Variants in KIAA1671 observed in about 807,000 individuals in gnomAD.
The protein encoded by KIAA1671 is KIAA1671.
KIAA1671 carries 52 observed loss-of-function variants against 131.2 expected under a neutral mutation model. The observed-to-expected ratio is 0.40, with a 90% CI of 0.32 to 0.50. The LOEUF (loss-of-function observed/expected upper bound fraction) is 0.50, where lower values mean the gene tolerates loss of function less well. KIAA1671 is among the 20% of genes least tolerant of loss of function. The pLI, the probability that KIAA1671 is intolerant of heterozygous loss-of-function variation, is 0.73. For synonymous variants in KIAA1671, 1,003 were observed against 961.6 expected (o/e 1.04, Z -0.80); for missense variants, 2,360 against 2,364.2 (o/e 1.00, Z 0.04).
intron 6 of KIAA1671, among the ~76,000 whole-genome samples, chr22:25,065,425 C>T (rs911177701): frequency 6.6e-6 from 1 of 151,982 alleles, no homozygotes; most frequent in African/African-American, 2.4e-5. Flanking sequence ...ATTCCTGCCC[C>T]GTCCCCACAT....
At chr22:25,000,198 T>TTC (rs1924370266) in intron 1 of KIAA1671, among the ~76,000 whole-genome samples, 1 of 76,248 alleles carries the variant, frequency 1.3e-5, no homozygotes, top group East Asian at 4.4e-4. Context: ...TTTTTTTTTT[T>TTC]TTTTTTTTTT....
intron 6 of KIAA1671, among the ~76,000 whole-genome samples, chr22:25,099,559 T>G (rs1194952504): frequency 8.8e-5 from 5 of 57,068 alleles, no homozygotes; most frequent in Non-Finnish European, 1.8e-4. Context: ...TTTTTTTTTT[T>G]TTTTTTTTTT....
At chr22:24,958,652 TA>T (rs60645201) in intron 1 of KIAA1671, among the ~76,000 whole-genome samples, 1,499 of 119,394 alleles carry the variant, frequency 0.013, 19 homozygotes, top group East Asian at 0.085. Context: ...CTCTGTCTCT[TA>T]AAAAAAAAAA....
chr22:25,037,881 C>A (rs1194634771), intron 4 of KIAA1671, among the ~76,000 whole-genome samples: 1 of 152,014 alleles, frequency 6.6e-6, no homozygotes, highest in African/African-American at 2.4e-5. Context: ...ACTCTGTCAC[C>A]CAGGCTGGAG....
intron 1 of KIAA1671, among the ~76,000 whole-genome samples, chr22:25,004,226 C>T (rs539175077): frequency 7.2e-5 from 7 of 96,876 alleles, no homozygotes; most frequent in East Asian, 6.6e-4. Flanking sequence ...AGTGAGCCTC[C>T]GACCTGAGCC....
rs1252704498 is a variant in KIAA1671, at chr22:25,005,346, T to TTAA, written c.-207-20287_-207-20286insTAA. ...CTGGGTGACAGAGCGAGACTCCATC[T>TTAA]AAAAAAAAAAAAAAAAAAGAAAAAA... On this transcript the variant is annotated intron_variant, in intron 1 of 12. Transcript: ENST00000358431. 1.7e-4 allele frequency among the ~76,000 whole-genome samples: 19 copies of TTAA among 111,486 alleles called. No individual in the cohort carries two copies. The East Asian group carries it at 4.7e-3, about 28-fold the overall frequency. The allele number at this position is 111,486 out of a possible 152,430, so 73.1% of individuals were successfully genotyped here. A position where few individuals can be genotyped will look rare whatever the true frequency, so the allele number is the denominator to read the frequency against.
intron 6 of KIAA1671, among the ~76,000 whole-genome samples, chr22:25,088,849 C>T (rs564520623): frequency 1.7e-4 from 26 of 151,006 alleles, no homozygotes; most frequent in Admixed American, 6.0e-4. Flanking sequence ...CCTATATCTG[C>T]GTCTGTACCC....
chr22:25,190,688 C>T lies in KIAA1671; in HGVS notation c.5343-14C>T. The T allele has an allele frequency of 6.5e-7, 1 of 1,549,452 alleles. No homozygotes were observed. The highest frequency in any genetic ancestry group is 8.7e-7 in the Non-Finnish European group (1 of 1,144,936). ...CTGGTTTCAACTAGTCTCTTACTGG[C>T]TTTGTGGTTTCAGGTCGGATGAACC... On this transcript the variant is annotated splice_polypyrimidine_tract_variant and intron_variant, in intron 11 of 12. Transcript: ENST00000358431.
intron 1 of KIAA1671, among the ~76,000 whole-genome samples, chr22:24,992,997 C>T (rs566379585): frequency 2.9e-4 from 44 of 151,938 alleles, no homozygotes; most frequent in African/African-American, 8.7e-4. Flanking sequence ...TTTGAGTCTG[C>T]GCACTGTGGA....
intron 1 of KIAA1671, among the ~76,000 whole-genome samples, chr22:25,003,895 G>T (rs1924602812): frequency 6.7e-6 from 1 of 149,454 alleles, no homozygotes; most frequent in Non-Finnish European, 1.5e-5. Context: ...TTGGCTCACT[G>T]CAGCCTCTGC....
At chr22:25,088,863 C>T (rs1257279898) in intron 6 of KIAA1671, among the ~76,000 whole-genome samples, 1 of 141,528 alleles carries the variant, frequency 7.1e-6, no homozygotes, top group Non-Finnish European at 1.6e-5. Flanking sequence ...TGTACCCTCC[C>T]ATATGTACAT....
At chr22:25,118,982 C>T (rs1235681191) in intron 6 of KIAA1671, among the ~76,000 whole-genome samples, 1 of 152,186 alleles carries the variant, frequency 6.6e-6, no homozygotes, top group Non-Finnish European at 1.5e-5. Context: ...TGCACCCATC[C>T]TACATTTCTT....
chr22:25,104,850 T>G (rs989543146), intron 6 of KIAA1671, among the ~76,000 whole-genome samples: 1 of 152,178 alleles, frequency 6.6e-6, no homozygotes, highest in Non-Finnish European at 1.5e-5. Flanking sequence ...AGATTTGAGT[T>G]GGCCTTCCAC....
At chr22:25,037,248 G>A (rs1254473732) in intron 4 of KIAA1671, among the ~76,000 whole-genome samples, 1 of 152,054 alleles carries the variant, frequency 6.6e-6, no homozygotes, top group Non-Finnish European at 1.5e-5. Context: ...GCTTGAATCC[G>A]GAAGGCGGAG....
chr22:25,153,518 T>C lies in KIAA1671; in HGVS notation c.4531-17302T>C, dbSNP rs148649602. On this transcript the variant is annotated intron_variant, in intron 6 of 12. Coordinates refer to ENST00000358431, the MANE Select transcript of KIAA1671 (RefSeq NM_001145206.2). ...ATGCAATATACCCATGCATTGCCTT[T>C]CTAAAACCTGAAAAGTCCTGAGTTG... 3.8e-3 allele frequency among the ~76,000 whole-genome samples: 574 copies of C among 152,344 alleles called. 1 individual carries two copies. Among genetic ancestry groups the C allele is most frequent in the Non-Finnish European group, 6.0e-3 (409 of 68,030 alleles).
intron 1 of KIAA1671, among the ~76,000 whole-genome samples, chr22:24,972,175 C>G (rs1048908797): frequency 6.6e-6 from 1 of 152,170 alleles, no homozygotes; most frequent in Admixed American, 6.5e-5. Context: ...ATCACCCAGA[C>G]AGATATATTA....
chr22:25,111,371 G>C (rs1931334888), intron 6 of KIAA1671, among the ~76,000 whole-genome samples: 1 of 152,196 alleles, frequency 6.6e-6, no homozygotes, highest in Admixed American at 6.5e-5. Context: ...TTGGGACTTG[G>C]GGGAGAAAAA....
At chr22:25,033,572 TC>T (rs1569211474) in intron 4 of KIAA1671, among the ~76,000 whole-genome samples, 1 of 122,352 alleles carries the variant, frequency 8.2e-6, no homozygotes. Flanking sequence ...TGGTTTGTTT[TC>T]GTTTTTTTTT....
Position 25,185,138 on chromosome 22 carries a change from T to TG in KIAA1671, c.5342+24dup. ...ATGAGAGGTGAGGGGTCTTGGGGAA[T>TG]GGGGGTCCCTCTCCTTCCAAACTCA... is the stretch of plus-strand genomic sequence containing the variant. On this transcript the variant is annotated intron_variant, in intron 11 of 12. Transcript: ENST00000358431. 1.3e-6 allele frequency: 2 copies of TG among 1,531,716 alleles called. No individual in the cohort carries two copies. Among genetic ancestry groups the TG allele is most frequent in the African/African-American group, 1.4e-5 (1 of 72,526 alleles). 94.9% of individuals were successfully genotyped at this position (1,531,716 alleles called of 1,614,324 possible). A position where few individuals can be genotyped will look rare whatever the true frequency, so the allele number is the denominator to read the frequency against.
Sources: gnomAD v4.1 joint callset for allele counts (sites outside exome capture counted in the v4.1 genomes callset) on GRCh38, gnomAD v4.1.1 for gene constraint, MANE v1.5 for transcripts, NCBI Gene and HGNC (gene_info 2026-07-23, HGNC 2026-07-21) for gene names.